SASH1: variants seen among roughly 807,000 people sequenced by gnomAD.
SASH1 encodes SAM and SH3 domain-containing protein 1.
In SASH1, 44 loss-of-function variants were observed where a neutral mutation model predicts 125.2. That is an observed-to-expected ratio of 0.35 (90% CI 0.28 to 0.45). SASH1 has a LOEUF of 0.45. Ranked by LOEUF, SASH1 falls within the 20% of genes least tolerant of loss-of-function variation. The pLI, the probability that SASH1 is intolerant of heterozygous loss-of-function variation, is 1.00. For synonymous variants in SASH1, 639 were observed against 649.1 expected (o/e 0.98, Z 0.24); for missense variants, 1,426 against 1,614.5 (o/e 0.88, Z 2.00).
At chr6:148,319,855 A>G (rs1026853176) in intron 1 of SASH1, among the ~76,000 whole-genome samples, 9 of 152,116 alleles carry the variant, frequency 5.9e-5, no homozygotes, top group African/African-American at 2.2e-4. Context: ...TGAGGGACAT[A>G]ATGAAATCTT....
intron 1 of SASH1, among the ~76,000 whole-genome samples, chr6:148,371,563 C>T (rs1354314395): frequency 1.3e-5 from 2 of 152,068 alleles, no homozygotes; most frequent in Non-Finnish European, 1.5e-5. Context: ...CCACTGTGCT[C>T]AGCTGCCTTG....
intron 1 of SASH1, among the ~76,000 whole-genome samples, chr6:148,345,271 C>T (rs1267668827): frequency 6.6e-6 from 1 of 152,180 alleles, no homozygotes; most frequent in Non-Finnish European, 1.5e-5. Flanking sequence ...TTTGCTTTCC[C>T]TTCCCTGACA....
chr6:148,294,944 A>T (rs961276367), intron 1 of SASH1, among the ~76,000 whole-genome samples: 5 of 152,242 alleles, frequency 3.3e-5, no homozygotes, highest in Admixed American at 2.0e-4. Flanking sequence ...TGGCACAGCC[A>T]TTTTGTGAAA....
Position 148,519,439 on chromosome 6 carries a change from G to A in SASH1, c.863-108G>A. On this transcript the variant is annotated intron_variant, in intron 9 of 19. Coordinates refer to ENST00000367467, the MANE Select transcript of SASH1 (RefSeq NM_015278.5). This position sits in a 1 kb window ranked among gnomAD's most constrained non-coding sequence, Gnocchi z 4.8. ...TTCTGTACATATGTAAGTGGGAGCT[G>A]GGTTTATAAAGAGGGTCATGATACG... 1 of 755,186 alleles carries A rather than the reference G, an allele frequency of 1.3e-6. No homozygotes were observed. Among genetic ancestry groups the A allele is most frequent in the Admixed American group, 2.7e-5 (1 of 36,950 alleles). The allele number at this position is 755,186 out of a possible 1,614,324, so 46.8% of individuals were successfully genotyped here.
At chr6:148,217,435 A>G in the SASH1 span, among the ~76,000 whole-genome samples, 8 of 152,184 alleles carry the variant, frequency 5.3e-5, no homozygotes, top group African/African-American at 1.4e-4. Context: ...GTGCTTTACC[A>G]TGTTATCACT....
At chr6:148,270,074 G>A (rs373174921), upstream of SASH1, among the ~76,000 whole-genome samples, 1 of 152,362 alleles carries the variant, frequency 6.6e-6, no homozygotes. Flanking sequence ...TATAGCAAAA[G>A]CTGTATTCAA....
chr6:148,405,044 C>T (rs181126177), intron 2 of SASH1, among the ~76,000 whole-genome samples: 5 of 152,052 alleles, frequency 3.3e-5, no homozygotes, highest in East Asian at 3.9e-4. Context: ...GCTCACAGGG[C>T]GGCTTGACTG....
chr6:148,413,488 G>A (rs986767918), intron 2 of SASH1, among the ~76,000 whole-genome samples: 1 of 152,086 alleles, frequency 6.6e-6, no homozygotes, highest in Admixed American at 6.6e-5. Context: ...GAGAATGTGC[G>A]GGAAAGATCA....
chr6:148,366,081 C>T (rs1427826112), intron 1 of SASH1, among the ~76,000 whole-genome samples: 1 of 151,710 alleles, frequency 6.6e-6, no homozygotes, highest in Admixed American at 6.6e-5. Flanking sequence ...CCACTGCACT[C>T]CAGCCTGGGG....
chr6:148,312,124 C>G (rs189545262), intron 1 of SASH1, among the ~76,000 whole-genome samples: 1 of 152,280 alleles, frequency 6.6e-6, no homozygotes, highest in African/African-American at 2.4e-5. Context: ...TCAGTGTTTT[C>G]TGGAGTTTGG....
In SASH1 at chr6:148,525,378, A is replaced by G. The variant is rs978241052; in HGVS notation, c.1284+13A>G. 6.2e-6 allele frequency: 10 copies of G among 1,600,054 alleles called. No individual in the cohort carries two copies. The highest frequency in any genetic ancestry group is 8.6e-6 in the Non-Finnish European group (10 of 1,167,360). Reference sequence around the variant, plus strand: ...TTCTGACCCAATGGTGAGTAACATCAGAGGAAAGCAAAAAATATGGATTCA... The same window carrying G: ...TTCTGACCCAATGGTGAGTAACATCGGAGGAAAGCAAAAAATATGGATTCA... On this transcript the variant is annotated intron_variant, in intron 11 of 19. Coordinates refer to ENST00000367467, the MANE Select transcript of SASH1 (RefSeq NM_015278.5).
chr6:148,389,306 C>A (rs908754562), intron 1 of SASH1, among the ~76,000 whole-genome samples: 1 of 152,136 alleles, frequency 6.6e-6, no homozygotes, highest in Non-Finnish European at 1.5e-5. Flanking sequence ...GCCACTTAAC[C>A]AATACCAGGC....
chr6:148,424,246 G>T (rs79892136), intron 2 of SASH1, among the ~76,000 whole-genome samples: 24 of 145,702 alleles, frequency 1.6e-4, no homozygotes, highest in South Asian at 4.3e-4. Flanking sequence ...TTTTTTTTTG[G>T]GGGGGGGAGG....
chr6:148,506,461 CA>C (rs1195504327), intron 8 of SASH1, among the ~76,000 whole-genome samples: 1 of 151,908 alleles, frequency 6.6e-6, no homozygotes, highest in African/African-American at 2.4e-5. Flanking sequence ...GGCAACAGAG[CA>C]AAACTCCATC....
At chr6:148,295,724 G>C (rs1001622884) in intron 1 of SASH1, among the ~76,000 whole-genome samples, 2 of 152,194 alleles carry the variant, frequency 1.3e-5, no homozygotes, top group African/African-American at 2.4e-5. Flanking sequence ...GTCTGAGGAC[G>C]TGCAGTTGGG....
In SASH1 at chr6:148,332,374, A is replaced by C. The variant is rs149055751; in HGVS notation, n.75-57760A>C. On this transcript the variant is annotated intron_variant and non_coding_transcript_variant, in intron 1 of 3. Transcript: ENST00000367469. ...TATACTTTCATTGCTCAATTTCAGC[A>C]GCAGGAACTATGGTAAAAAATAAAT... is the stretch of plus-strand genomic sequence containing the variant. Among the ~76,000 whole-genome samples, 4 of 152,374 alleles carry C rather than the reference A, an allele frequency of 2.6e-5. No homozygotes were observed. The East Asian group carries it at 7.7e-4, about 29-fold the overall frequency.
chr6:148,413,943 T>A (rs778375184), intron 2 of SASH1, among the ~76,000 whole-genome samples: 2 of 151,882 alleles, frequency 1.3e-5, no homozygotes, highest in Non-Finnish European at 2.9e-5. Context: ...CTCCCTTTTA[T>A]GAAGTCTATG....
intron 4 of SASH1, among the ~76,000 whole-genome samples, chr6:148,467,469 A>T (rs1225594063): frequency 6.6e-6 from 1 of 152,094 alleles, no homozygotes; most frequent in African/African-American, 2.4e-5. Flanking sequence ...TGGGCTGTGC[A>T]CACTTTTCAG....
chr6:148,414,705 G>A (rs762876329), intron 2 of SASH1, among the ~76,000 whole-genome samples: 9 of 151,594 alleles, frequency 5.9e-5, no homozygotes, highest in African/African-American at 7.3e-5. Context: ...TTGTTTTGTC[G>A]CCCAGGCTGG....
Sources: allele counts gnomAD v4.1 joint callset (sites outside exome capture counted in the v4.1 genomes callset), GRCh38; gene constraint gnomAD v4.1.1; non-coding constraint Gnocchi (gnomAD v3.1); transcripts MANE v1.5; gene names NCBI Gene and HGNC (gene_info 2026-07-23, HGNC 2026-07-21).